EMC2: variants seen among roughly 807,000 people sequenced by gnomAD.
EMC2 encodes ER membrane protein complex subunit 2.
EMC2 carries 37 observed loss-of-function variants against 51.6 expected under a neutral mutation model. The ratio of observed to expected loss-of-function variants is 0.72; its 90% confidence interval spans 0.55 to 0.94. The LOEUF is 0.94. Among genes scored for constraint, EMC2 ranks in the 40% least tolerant of loss-of-function variants. EMC2 has a pLI of 0.00. For missense variants in EMC2, 359 were observed against 350.9 expected, an observed-to-expected ratio of 1.02 and a Z score of -0.18; for synonymous variants, 131 against 112.4, an observed-to-expected ratio of 1.17 and a Z score of -1.04.
chr8:108,443,937 A>G (rs925613281), intron 1 of EMC2, among the ~76,000 whole-genome samples: 2 of 152,106 alleles, frequency 1.3e-5, no homozygotes, highest in African/African-American at 2.4e-5. Flanking sequence ...GCGCCAGTCC[A>G]GCGTCCCGGG....
At chr8:108,459,593 G>T (rs1306780517) in intron 5 of EMC2, among the ~76,000 whole-genome samples, 1 of 152,080 alleles carries the variant, frequency 6.6e-6, no homozygotes, top group Non-Finnish European at 1.5e-5. Context: ...GTGCAGGAAA[G>T]ACACGCCCCA....
chr8:108,479,108 C>G lies in EMC2; in HGVS notation c.805C>G (p.Gln269Glu). 1 of 1,537,146 alleles carries G rather than the reference C, an allele frequency of 6.5e-7. No homozygotes were observed. The highest frequency in any genetic ancestry group is 8.8e-7 in the Non-Finnish European group (1 of 1,134,192). The change falls in exon 10 of 11, where the codon CAG (glutamine) becomes GAG (glutamate). Residue 269 changes from glutamine to glutamate, a missense_variant and splice_region_variant. Coordinates refer to ENST00000220853, the MANE Select transcript of EMC2 (RefSeq NM_014673.5). ...WAASQINRAYQFAGRSKKETK... is the reference protein window; with the variant it reads ...WAASQINRAYEFAGRSKKETK... Reference sequence around the variant, plus strand: ...AGCTAGTCAAATAAACAGAGCTTATCAGGTTAGTATTTATTGATCATTTTG... The same window carrying G: ...AGCTAGTCAAATAAACAGAGCTTATGAGGTTAGTATTTATTGATCATTTTG...
Position 108,486,502 on chromosome 8 carries a change from T to TTTC in EMC2, c.808-8_808-7insCTT. ...GCCTAATTGAGCTTTTTTTTTTTTT[T>TTTC]TTTAATTAGTTTGCAGGTCGAAGTA... On this transcript the variant is annotated splice_polypyrimidine_tract_variant and intron_variant, in intron 10 of 10. Transcript: ENST00000220853. 1 of 1,544,786 alleles carries TTTC rather than the reference T, an allele frequency of 6.5e-7. No individual in the cohort carries two copies.
intron 5 of EMC2, chr8:108,464,234 T>C (rs1404324717): frequency 6.6e-6 from 1 of 152,230 alleles, no homozygotes; most frequent in Non-Finnish European, 1.5e-5. Context: ...ATTTGATTAG[T>C]AGTTAACTGA....
chr8:108,484,402 G>A (rs1811099227), intron 10 of EMC2, among the ~76,000 whole-genome samples: 1 of 151,964 alleles, frequency 6.6e-6, no homozygotes, highest in Non-Finnish European at 1.5e-5. Flanking sequence ...TCTGACACAA[G>A]TAAATTTATT....
intron 1 of EMC2, among the ~76,000 whole-genome samples, chr8:108,449,324 A>T (rs1307420629): frequency 2.0e-5 from 3 of 148,038 alleles, no homozygotes; most frequent in Non-Finnish European, 4.4e-5. Flanking sequence ...CTCAAGCTGG[A>T]GTGCAGTGGC....
At chr8:108,453,864 C>T (rs535015862) in intron 4 of EMC2, among the ~76,000 whole-genome samples, 19 of 152,150 alleles carry the variant, frequency 1.2e-4, no homozygotes, top group African/African-American at 3.9e-4. Context: ...CCTTGCAGTT[C>T]TATTAGTTTT....
chr8:108,477,813 C>G (rs1810974601), intron 9 of EMC2, among the ~76,000 whole-genome samples: 1 of 152,068 alleles, frequency 6.6e-6, no homozygotes, highest in Admixed American at 6.6e-5. Flanking sequence ...CATGGCACTT[C>G]ATGTGCTGGG....
intron 5 of EMC2, among the ~76,000 whole-genome samples, chr8:108,468,913 C>G (rs1810794948): frequency 6.6e-6 from 1 of 152,118 alleles, no homozygotes; most frequent in Non-Finnish European, 1.5e-5. Flanking sequence ...TCCCACTATG[C>G]AGTTTCCATA....
In EMC2 at chr8:108,449,872, T is replaced by C. The variant is rs1818973909; in HGVS notation, c.90T>C (p.Ser30=). 13 of 1,596,358 alleles carry C rather than the reference T, an allele frequency of 8.1e-6. No individual in the cohort carries two copies. Among genetic ancestry groups the C allele is most frequent in the Non-Finnish European group, 1.1e-5 (13 of 1,165,390 alleles). Residue 30 remains serine (S), a synonymous_variant, in exon 2 of 11, where the codon AGT becomes AGC. Transcript: ENST00000220853. The part of the protein sequence containing the change: ...RKWREENSRN[S]EQIVEVGEEL... ...GGAGAGAAGAAAACTCAAGAAATAG[T>C]GAGCAAATTGTGGAAGTTGGAGAAG...
At chr8:108,459,878 T>C (rs547829942) in intron 5 of EMC2, among the ~76,000 whole-genome samples, 9 of 152,214 alleles carry the variant, frequency 5.9e-5, no homozygotes, top group Admixed American at 5.2e-4. Context: ...AAATAAGAAA[T>C]AGCTTCTATA....
At chr8:108,465,638 A>G (rs183637163) in intron 5 of EMC2, among the ~76,000 whole-genome samples, 308 of 152,304 alleles carry the variant, frequency 2.0e-3, no homozygotes, top group Non-Finnish European at 2.7e-3. Context: ...CTTCAGAACT[A>G]TTGTTGCATT....
In EMC2 at chr8:108,475,971, T is replaced by C; in HGVS notation, c.591+8T>C. 1 of 1,487,568 alleles carries C rather than the reference T, an allele frequency of 6.7e-7. No homozygotes were observed. The highest frequency in any genetic ancestry group is 1.2e-5 in the South Asian group (1 of 80,096). The allele number at this position is 1,487,568 out of a possible 1,614,324, so 92.1% of individuals were successfully genotyped here. On this transcript the variant is annotated splice_region_variant and intron_variant, in intron 8 of 10. Coordinates refer to ENST00000220853, the MANE Select transcript of EMC2 (RefSeq NM_014673.5). ...TGTCAGCAGTATGCTGAAGTAAGTG[T>C]TTTCAGAACAATGGCATATAATTTT...
At chr8:108,462,149 A>G (rs929816564) in intron 5 of EMC2, among the ~76,000 whole-genome samples, 1 of 151,752 alleles carries the variant, frequency 6.6e-6, no homozygotes, top group African/African-American at 2.4e-5. Flanking sequence ...TCTTTCAGAG[A>G]TATTTTTCAT....
chr8:108,463,089 C>T (rs879495189), intron 5 of EMC2, among the ~76,000 whole-genome samples: 3 of 152,112 alleles, frequency 2.0e-5, no homozygotes. Context: ...ATTCCTTATA[C>T]AGAGTAGCTA....
chr8:108,456,903 C>A (rs751546240), intron 5 of EMC2, among the ~76,000 whole-genome samples: 6 of 151,892 alleles, frequency 4.0e-5, no homozygotes, highest in Admixed American at 2.6e-4. Flanking sequence ...AAACAAAAAC[C>A]AGGTTGAGTT....
At chr8:108,477,234 G>C (rs549506162) in intron 9 of EMC2, among the ~76,000 whole-genome samples, 1 of 151,870 alleles carries the variant, frequency 6.6e-6, no homozygotes, top group East Asian at 1.9e-4. Context: ...CTAAATTATA[G>C]TTGTATGAGG....
At chr8:108,483,191 G>T (rs1411372161) in intron 10 of EMC2, among the ~76,000 whole-genome samples, 1 of 152,068 alleles carries the variant, frequency 6.6e-6, no homozygotes, top group African/African-American at 2.4e-5. Flanking sequence ...AAGTTATTAT[G>T]TTTTTCCTTT....
At chr8:108,483,143 A>G (rs2130418965) in intron 10 of EMC2, among the ~76,000 whole-genome samples, 1 of 152,300 alleles carries the variant, frequency 6.6e-6, no homozygotes, top group East Asian at 1.9e-4. Context: ...CAAGATGGCC[A>G]TAATGAAATA....
Sources: gnomAD v4.1 joint callset for allele counts (sites outside exome capture counted in the v4.1 genomes callset) on GRCh38, gnomAD v4.1.1 for gene constraint, MANE v1.5 for transcripts, NCBI Gene and HGNC (gene_info 2026-07-23, HGNC 2026-07-21) for gene names.